Variants in KCNMA1 observed in about 807,000 individuals in gnomAD.
KCNMA1 encodes the protein Calcium-activated potassium channel subunit alpha-1.
KCNMA1 carries 29 observed loss-of-function variants against 140.0 expected under a neutral mutation model. That is an observed-to-expected ratio of 0.21 (90% CI 0.15 to 0.28). The LOEUF (loss-of-function observed/expected upper bound fraction) is 0.28, where lower values mean the gene tolerates loss of function less well. KCNMA1 is among the 10% of genes least tolerant of loss of function. The pLI, the probability that KCNMA1 is intolerant of heterozygous loss-of-function variation, is 1.00. For missense variants in KCNMA1, 880 were observed against 1,602.2 expected (o/e 0.55, Z 7.70); for synonymous variants, 612 against 611.9 (o/e 1.00, Z 0.00).
At chr10:77,352,882 T>C (rs1429535761) in intron 2 of KCNMA1, among the ~76,000 whole-genome samples, 1 of 152,102 alleles carries the variant, frequency 6.6e-6, no homozygotes, top group East Asian at 1.9e-4. Context: ...AGAGGCAAAA[T>C]ATAGATGCCA....
At chr10:76,899,415 A>G (rs1184265301) in intron 25 of KCNMA1, among the ~76,000 whole-genome samples, 2 of 152,314 alleles carry the variant, frequency 1.3e-5, no homozygotes, top group East Asian at 3.9e-4. Flanking sequence ...ATTTATGAGA[A>G]CCATAGCTTA....
At chr10:77,559,175 C>T (rs1023566062) in intron 1 of KCNMA1, among the ~76,000 whole-genome samples, 7 of 152,230 alleles carry the variant, frequency 4.6e-5, no homozygotes, top group Admixed American at 1.3e-4. Flanking sequence ...GGCAATGGGG[C>T]ATACGTCCAG....
chr10:76,897,047 C>CACACACAA (rs1491567602), intron 25 of KCNMA1, among the ~76,000 whole-genome samples: 1 of 145,894 alleles, frequency 6.9e-6, no homozygotes, highest in African/African-American at 2.5e-5. Flanking sequence ...CACACACACA[C>CACACACAA]AATTAGTGAT....
chr10:77,363,120 A>ATTTTT lies in KCNMA1; in HGVS notation c.540+40737_540+40741dup, dbSNP rs59354140. Reference sequence around the variant, plus strand: ...TTTGAGATTGTTAAGAATTATTATTATTTTTTTTTTCTGAAAAATACACAG... The same window carrying ATTTTT: ...TTTGAGATTGTTAAGAATTATTATTATTTTTTTTTTTTTTTCTGAAAAATACACAG... On this transcript the variant is annotated intron_variant, in intron 2 of 27. Transcript: ENST00000286628. 8.2e-4 allele frequency among the ~76,000 whole-genome samples: 124 copies of ATTTTT among 151,144 alleles called. 2 individuals carry two copies. Among genetic ancestry groups the ATTTTT allele is most frequent in the Middle Eastern group, 3.4e-3 (1 of 292 alleles).
intron 2 of KCNMA1, among the ~76,000 whole-genome samples, chr10:77,319,640 A>G (rs953291950): frequency 3.9e-5 from 6 of 152,238 alleles, no homozygotes; most frequent in African/African-American, 1.4e-4. Flanking sequence ...CTAGTTTCCT[A>G]AAGTTAAGTG....
chr10:76,965,861 T>A (rs1452757729), intron 20 of KCNMA1, among the ~76,000 whole-genome samples: 1 of 152,174 alleles, frequency 6.6e-6, no homozygotes, highest in Non-Finnish European at 1.5e-5. Context: ...AGCATTCTCC[T>A]CATGGTATGG....
At chr10:77,510,078 G>A (rs569968780) in intron 1 of KCNMA1, among the ~76,000 whole-genome samples, 46 of 152,214 alleles carry the variant, frequency 3.0e-4, no homozygotes, top group African/African-American at 7.5e-4. Flanking sequence ...AGCTCCAAGC[G>A]ATGACAGGAG....
chr10:76,920,018 G>GTATATTTATATATATATA, intron 23 of KCNMA1, among the ~76,000 whole-genome samples: 1 of 43,604 alleles, frequency 2.3e-5, no homozygotes, highest in East Asian at 9.2e-4. Context: ...GTGTGTGTGT[G>GTATATTTATATATATATA]TGTATATATA....
In KCNMA1 at chr10:77,101,870, C is replaced by T. The variant is rs148774132; in HGVS notation, c.1223+6611G>A. ...TGTGGATCGGCCCAAGTCAGTATAA[C>T]ATGAAATCATCTCAAATCCGATTCC... On this transcript the variant is annotated intron_variant, in intron 9 of 27. Transcript: ENST00000286628. 1.4e-4 allele frequency among the ~76,000 whole-genome samples: 21 copies of T among 152,328 alleles called. No homozygotes were observed. The East Asian group carries it at 3.5e-3, about 25-fold the overall frequency.
At chr10:77,123,023 C>T (rs1318476789) in intron 5 of KCNMA1, among the ~76,000 whole-genome samples, 1 of 149,604 alleles carries the variant, frequency 6.7e-6, no homozygotes, top group Non-Finnish European at 1.5e-5. Flanking sequence ...CTAAAAAACA[C>T]AAAAAAATTA....
chr10:76,997,332 T>G (rs1384086603), intron 19 of KCNMA1, among the ~76,000 whole-genome samples: 1 of 152,250 alleles, frequency 6.6e-6, no homozygotes, highest in Non-Finnish European at 1.5e-5. Flanking sequence ...AGGCTGCATG[T>G]AATTGTGCAG....
intron 14 of KCNMA1, among the ~76,000 whole-genome samples, chr10:77,065,790 A>G (rs1017356779): frequency 1.3e-5 from 2 of 152,248 alleles, no homozygotes; most frequent in Non-Finnish European, 2.9e-5. Context: ...TTCAATAAAA[A>G]ATTCATTTTT....
intron 1 of KCNMA1, among the ~76,000 whole-genome samples, chr10:77,588,282 A>G (rs2077881942): frequency 6.6e-6 from 1 of 152,206 alleles, no homozygotes; most frequent in South Asian, 2.1e-4. Context: ...GGGGCAAGGT[A>G]GGAAGTTAGG....
At chr10:77,286,069 C>T (rs1461453721) in intron 2 of KCNMA1, among the ~76,000 whole-genome samples, 1 of 152,104 alleles carries the variant, frequency 6.6e-6, no homozygotes, top group Non-Finnish European at 1.5e-5. Flanking sequence ...CATGTCCTGT[C>T]CTGACAACAT....
chr10:77,193,378 AG>A (rs1351648139), intron 3 of KCNMA1, among the ~76,000 whole-genome samples: 1 of 152,180 alleles, frequency 6.6e-6, no homozygotes, highest in Non-Finnish European at 1.5e-5. Flanking sequence ...TTTCCAAACA[AG>A]TATTGCTTGA....
intron 5 of KCNMA1, among the ~76,000 whole-genome samples, chr10:77,166,875 A>G (rs60193390): frequency 0.011 from 1,643 of 152,264 alleles, 27 homozygotes; most frequent in African/African-American, 0.038. Flanking sequence ...TCTATGTGAT[A>G]ATTTGATACA....
chr10:77,632,143 C>A (rs1007670941), intron 1 of KCNMA1, among the ~76,000 whole-genome samples: 3 of 152,210 alleles, frequency 2.0e-5, no homozygotes, highest in Non-Finnish European at 4.4e-5. Flanking sequence ...CAGCAGGATG[C>A]CGCCAAGCCT....
chr10:77,478,020 C>A (rs1334379092), intron 1 of KCNMA1, among the ~76,000 whole-genome samples: 1 of 152,154 alleles, frequency 6.6e-6, no homozygotes, highest in Non-Finnish European at 1.5e-5. Flanking sequence ...TACATGATAC[C>A]CTCTGCCGTT....
downstream of KCNMA1, among the ~76,000 whole-genome samples, chr10:76,882,707 C>T (rs1466793801): frequency 6.6e-6 from 1 of 152,198 alleles, no homozygotes; most frequent in Non-Finnish European, 1.5e-5. Context: ...CTCTGTGGCC[C>T]TTGGTCCAGC....
Sources: allele counts gnomAD v4.1 joint callset (sites outside exome capture counted in the v4.1 genomes callset), GRCh38; gene constraint gnomAD v4.1.1; transcripts MANE v1.5; gene names NCBI Gene and HGNC (gene_info 2026-07-23, HGNC 2026-07-21).